C12orf42: variants seen among roughly 807,000 people sequenced by gnomAD.
C12orf42 encodes chromosome 12 open reading frame 42.
A neutral mutation model predicts 21.6 loss-of-function variants in C12orf42; 25 were observed. The ratio of observed to expected loss-of-function variants is 1.16; its 90% CI spans 0.84 to 1.62. C12orf42 has a LOEUF of 1.62. C12orf42 is among the 40% of genes most tolerant of loss of function. The pLI, the probability that C12orf42 is intolerant of heterozygous loss-of-function variation, is 0.00. For missense variants in C12orf42, 483 were observed against 459.3 expected (o/e 1.05, Z -0.47); for synonymous variants, 174 against 175.0 (o/e 0.99, Z 0.05).
Position 103,310,178 on chromosome 12 carries a change from G to C in C12orf42, c.260-3833C>G, listed in dbSNP as rs1353602669. Among the ~76,000 whole-genome samples the C allele has an allele frequency of 5.3e-5, 8 of 152,254 alleles. No individual in the cohort carries two copies. The South Asian group carries it at 1.7e-3, about 32-fold the overall frequency. ...GGTTTAGCACTATCCCTCTGGTGCT[G>C]TTCTTGTGATAGTGAGTGAGTTATC... On this transcript the variant is annotated intron_variant, in intron 4 of 5. Transcript: ENST00000548883.
intron 1 of C12orf42, among the ~76,000 whole-genome samples, chr12:103,493,790 G>A (rs189386138): frequency 4.7e-5 from 7 of 149,478 alleles, no homozygotes; most frequent in Admixed American, 2.7e-4. Context: ...GAGGAAATAC[G>A]CATGAAAGTA....
chr12:103,290,472 T>C (rs2036730702), intron 4 of C12orf42, among the ~76,000 whole-genome samples: 1 of 152,182 alleles, frequency 6.6e-6, no homozygotes, highest in African/African-American at 2.4e-5. Context: ...GTTGGGCCTA[T>C]GCAAGGACAT....
At chr12:103,273,139 G>A (rs1023387376) in intron 5 of C12orf42, among the ~76,000 whole-genome samples, 2 of 152,046 alleles carry the variant, frequency 1.3e-5, no homozygotes, top group Non-Finnish European at 2.9e-5. Context: ...TTCCTATGCC[G>A]ATATGACTCA....
At chr12:103,478,218 A>G (rs921742554) in intron 2 of C12orf42, 131 bp downstream of exon 2, 16 of 610,160 alleles carry the variant, frequency 2.6e-5, no homozygotes, top group Non-Finnish European at 4.5e-5. Flanking sequence ...ATGGATAAAT[A>G]TGGAAACTAA....
chr12:103,428,428 A>G (rs926319809), intron 2 of C12orf42, among the ~76,000 whole-genome samples: 1 of 152,226 alleles, frequency 6.6e-6, no homozygotes, highest in African/African-American at 2.4e-5. Flanking sequence ...AAGAAGTCGA[A>G]TCCCTGAATA....
At chr12:103,399,760 A>C (rs931131251) in intron 3 of C12orf42, among the ~76,000 whole-genome samples, 6 of 152,198 alleles carry the variant, frequency 3.9e-5, no homozygotes, top group Admixed American at 3.9e-4. Context: ...TTAGTATCTG[A>C]CTATTGTTAG....
At chr12:103,256,040 G>A (rs1175251259) in intron 10 of C12orf42, among the ~76,000 whole-genome samples, 3 of 103,054 alleles carry the variant, frequency 2.9e-5, no homozygotes, top group African/African-American at 3.9e-5. Context: ...GCGAAAGAGC[G>A]AGACTCTGTC....
chr12:103,469,259 G>C (rs960979868), intron 2 of C12orf42, among the ~76,000 whole-genome samples: 1 of 152,136 alleles, frequency 6.6e-6, no homozygotes, highest in African/African-American at 2.4e-5. Context: ...TTGGAGGCAG[G>C]CTTTAACACA....
chr12:103,433,718 A>T (rs767071036), intron 2 of C12orf42, among the ~76,000 whole-genome samples: 3 of 152,258 alleles, frequency 2.0e-5, no homozygotes, highest in Non-Finnish European at 4.4e-5. Context: ...ACACATAACA[A>T]TATATGCAGA....
At chr12:103,181,886 G>A in the C12orf42 span, among the ~76,000 whole-genome samples, 1 of 152,308 alleles carries the variant, frequency 6.6e-6, no homozygotes, top group Admixed American at 6.5e-5. Flanking sequence ...GGCTGACTTT[G>A]GGAAATGCCG....
At chr12:103,132,319 C>A in the C12orf42 span, among the ~76,000 whole-genome samples, 2 of 133,150 alleles carry the variant, frequency 1.5e-5, no homozygotes. Context: ...CTCTACAGGG[C>A]TTGGCTGGGG....
the C12orf42 span, among the ~76,000 whole-genome samples, chr12:103,515,625 G>A: frequency 2.6e-5 from 4 of 152,218 alleles, no homozygotes; most frequent in Admixed American, 6.5e-5. Flanking sequence ...GCAAATCAAG[G>A]CCTTTAACTG....
intron 4 of C12orf42, among the ~76,000 whole-genome samples, chr12:103,318,249 A>G (rs1295882812): frequency 6.6e-6 from 1 of 152,078 alleles, no homozygotes; most frequent in Admixed American, 6.6e-5. Flanking sequence ...ACACCACTGC[A>G]CTCCAGCCTG....
chr12:103,299,052 G>A (rs894921591), downstream of C12orf42, among the ~76,000 whole-genome samples: 4 of 152,054 alleles, frequency 2.6e-5, no homozygotes, highest in East Asian at 1.9e-4. Flanking sequence ...TGTACCAACC[G>A]CAGGGTATAA....
Position 103,311,721 on chromosome 12 carries a change from C to T in C12orf42, c.260-5376G>A, listed in dbSNP as rs138266225. ...TTTTTGTTACGTGACACATCTCTTG[C>T]ATTGAATACAGTATTTCTCAATCCT... On this transcript the variant is annotated intron_variant, in intron 4 of 5. Coordinates refer to ENST00000548883, the MANE Select transcript of C12orf42 (RefSeq NM_198521.5). Among the ~76,000 whole-genome samples, 10 of 152,260 alleles carry T rather than the reference C, an allele frequency of 6.6e-5. No individual in the cohort carries two copies. The East Asian group carries it at 1.9e-3, about 29-fold the overall frequency.
the C12orf42 span, among the ~76,000 whole-genome samples, chr12:103,519,096 A>T: frequency 6.6e-6 from 1 of 152,256 alleles, no homozygotes; most frequent in East Asian, 1.9e-4. Context: ...TGATGGTTTC[A>T]TAAGGAGTTC....
chr12:103,454,966 A>G (rs1262204089), intron 2 of C12orf42, among the ~76,000 whole-genome samples: 3 of 152,182 alleles, frequency 2.0e-5, no homozygotes, highest in African/African-American at 4.8e-5. Context: ...TCCCTAAATG[A>G]GGATACAATG....
At chr12:103,399,105 A>C (rs1163365195) in intron 3 of C12orf42, among the ~76,000 whole-genome samples, 1 of 151,920 alleles carries the variant, frequency 6.6e-6, no homozygotes, top group Non-Finnish European at 1.5e-5. Flanking sequence ...GATTTTTTAA[A>C]TTTATTCCAA....
chr12:103,468,360 T>G (rs1220207900), intron 2 of C12orf42, among the ~76,000 whole-genome samples: 1 of 152,216 alleles, frequency 6.6e-6, no homozygotes, highest in Non-Finnish European at 1.5e-5. Context: ...CTGTGCATGG[T>G]TTCTTAGGAC....
Sources: allele counts gnomAD v4.1 joint callset (sites outside exome capture counted in the v4.1 genomes callset), GRCh38; gene constraint gnomAD v4.1.1; transcripts MANE v1.5; gene names NCBI Gene and HGNC (gene_info 2026-07-23, HGNC 2026-07-21).